SLC9A9: variants seen among roughly 807,000 people sequenced by gnomAD.
SLC9A9 encodes the protein solute carrier family 9 member A9, also known as sodium/hydrogen exchanger 9.
A neutral mutation model predicts 77.8 loss-of-function variants in SLC9A9; 62 were observed. That is an observed-to-expected ratio of 0.80 (90% CI 0.65 to 0.98). The LOEUF (loss-of-function observed/expected upper bound fraction) is 0.98, where lower values mean the gene tolerates loss of function less well. SLC9A9 is among the 50% of genes least tolerant of loss of function. The probability of loss-of-function intolerance (pLI) is 0.00; values close to 1 mark genes in which losing one functional copy is unlikely to be tolerated. For synonymous variants in SLC9A9, 320 were observed against 283.5 expected (o/e 1.13, Z -1.29); for missense variants, 775 against 774.9 (o/e 1.00, Z 0.00).
chr3:143,686,136 C>T (rs1392399833), intron 5 of SLC9A9, among the ~76,000 whole-genome samples: 6 of 152,072 alleles, frequency 3.9e-5, no homozygotes, highest in Non-Finnish European at 7.4e-5. Flanking sequence ...CTTCACATTT[C>T]ATAATTGAAA....
chr3:143,353,652 C>G (rs531225903), intron 14 of SLC9A9, among the ~76,000 whole-genome samples: 1 of 152,214 alleles, frequency 6.6e-6, no homozygotes, highest in South Asian at 2.1e-4. Flanking sequence ...TGTGATAGCT[C>G]TCAGCATTGG....
intron 14 of SLC9A9, among the ~76,000 whole-genome samples, chr3:143,317,885 G>A (rs1225924915): frequency 2.0e-5 from 3 of 152,076 alleles, no homozygotes; most frequent in African/African-American, 2.4e-5. Context: ...CCGCCACCAC[G>A]CCTGGCTAAT....
chr3:143,735,238 G>A (rs996722745), intron 4 of SLC9A9, among the ~76,000 whole-genome samples: 47 of 152,252 alleles, frequency 3.1e-4, no homozygotes, highest in African/African-American at 1.0e-3. Context: ...TCTTGCTAAT[G>A]GTTAAAGCTT....
intron 14 of SLC9A9, among the ~76,000 whole-genome samples, chr3:143,279,723 G>A (rs1938159601): frequency 6.6e-6 from 1 of 152,126 alleles, no homozygotes; most frequent in Non-Finnish European, 1.5e-5. Flanking sequence ...CTTCATCCAT[G>A]TCCCTGCAAA....
At chr3:143,577,286 T>A (rs2037374595) in intron 7 of SLC9A9, among the ~76,000 whole-genome samples, 1 of 152,154 alleles carries the variant, frequency 6.6e-6, no homozygotes, top group South Asian at 2.1e-4. Context: ...TGGAGCCCTC[T>A]GGTCCTCCCA....
At chr3:143,793,129 GT>G (rs2008270891) in intron 4 of SLC9A9, among the ~76,000 whole-genome samples, 1 of 152,088 alleles carries the variant, frequency 6.6e-6, no homozygotes, top group Non-Finnish European at 1.5e-5. Flanking sequence ...ATTATAAGTT[GT>G]TGGACAACCA....
intron 12 of SLC9A9, among the ~76,000 whole-genome samples, chr3:143,449,977 AT>A (rs373042429): frequency 3.6e-5 from 3 of 83,036 alleles, no homozygotes; most frequent in Non-Finnish European, 6.2e-5. Flanking sequence ...TATAATATAT[AT>A]TATATGTATA....
At chr3:143,559,388 G>A (rs2037042960) in intron 8 of SLC9A9, among the ~76,000 whole-genome samples, 1 of 152,182 alleles carries the variant, frequency 6.6e-6, no homozygotes, top group African/African-American at 2.4e-5. Context: ...AGTAGCTACT[G>A]CGACGTGTAA....
chr3:143,485,350 A>C (rs576477682), intron 11 of SLC9A9, among the ~76,000 whole-genome samples: 7 of 152,182 alleles, frequency 4.6e-5, no homozygotes, highest in Non-Finnish European at 8.8e-5. Flanking sequence ...GACCCTTTTA[A>C]TTTTTTTCAC....
chr3:143,483,824 T>C (rs549368344), intron 11 of SLC9A9, among the ~76,000 whole-genome samples: 1 of 152,226 alleles, frequency 6.6e-6, no homozygotes, highest in Admixed American at 6.5e-5. Flanking sequence ...AATTTTAGGT[T>C]CTTATTTGAT....
chr3:143,743,288 TAGAC>T (rs201195198), intron 4 of SLC9A9, among the ~76,000 whole-genome samples: 142 of 119,686 alleles, frequency 1.2e-3, no homozygotes, highest in Admixed American at 4.0e-3. Context: ...GATAGATAGA[TAGAC>T]AGACAGATAG....
chr3:143,453,215 G>A (rs1313978573), intron 12 of SLC9A9, among the ~76,000 whole-genome samples: 2 of 151,870 alleles, frequency 1.3e-5, no homozygotes, highest in African/African-American at 2.4e-5. Flanking sequence ...GGTGACAGAA[G>A]ACACACCATT....
rs574883254 is a variant in SLC9A9, at chr3:143,628,797, A to G, written c.755+23458T>C. On this transcript the variant is annotated intron_variant, in intron 6 of 15. Transcript: ENST00000316549. The stretch of plus-strand genomic sequence containing the variant: ...TAGAAGACATTTTGTCAACAGTCTC[A>G]TTTTATAGATGCTGTGAATCAGGCC... 3.0e-4 allele frequency among the ~76,000 whole-genome samples: 45 copies of G among 152,318 alleles called. 1 individual carries two copies. The South Asian group carries it at 5.6e-3, about 19-fold the overall frequency.
In SLC9A9 at chr3:143,437,869, G is replaced by C. The variant is rs117789939; in HGVS notation, c.1469+29168C>G. On this transcript the variant is annotated intron_variant, in intron 12 of 15. Transcript: ENST00000316549. ...CTTAACAGCATGAATGGTATAGATA[G>C]AGCCAGGTGCACCAGGAAACACACT... is the stretch of plus-strand genomic sequence containing the variant. Among the ~76,000 whole-genome samples, 18 of 152,366 alleles carry C rather than the reference G, an allele frequency of 1.2e-4. No homozygotes were observed. In the East Asian group the frequency reaches 3.1e-3, roughly 26 times the overall value.
At chr3:143,715,476 A>G (rs533262490) in intron 4 of SLC9A9, among the ~76,000 whole-genome samples, 128 of 152,338 alleles carry the variant, frequency 8.4e-4, no homozygotes, top group Non-Finnish European at 1.1e-3. Flanking sequence ...AAAGAATACG[A>G]TCTCCTTATT....
At chr3:143,517,625 G>T in intron 9 of SLC9A9, 1 of 1,597,388 alleles carries the variant, frequency 6.3e-7, no homozygotes, top group Non-Finnish European at 8.5e-7. Flanking sequence ...AAGATCATGG[G>T]CTGCTTCTTC....
chr3:143,657,721 A>G (rs2038914862), intron 5 of SLC9A9, among the ~76,000 whole-genome samples: 1 of 152,166 alleles, frequency 6.6e-6, no homozygotes, highest in African/African-American at 2.4e-5. Context: ...CCACTTTTCT[A>G]ATTTTTTTGT....
intron 12 of SLC9A9, among the ~76,000 whole-genome samples, chr3:143,430,993 A>G (rs553437664): frequency 2.0e-4 from 31 of 152,324 alleles, no homozygotes; most frequent in African/African-American, 7.0e-4. Context: ...CTCATCACTG[A>G]TTTTATCCAC....
intron 13 of SLC9A9, among the ~76,000 whole-genome samples, chr3:143,366,711 G>A (rs1379876265): frequency 6.6e-6 from 1 of 152,198 alleles, no homozygotes; most frequent in Non-Finnish European, 1.5e-5. Context: ...TTGATGAAGT[G>A]TGGTCTATTA....
Sources: gnomAD v4.1 joint callset for allele counts (sites outside exome capture counted in the v4.1 genomes callset) on GRCh38, gnomAD v4.1.1 for gene constraint, MANE v1.5 for transcripts, NCBI Gene and HGNC (gene_info 2026-07-23, HGNC 2026-07-21) for gene names.